Variants in NRP1 observed in about 807,000 individuals in gnomAD.
The protein encoded by NRP1 is neuropilin-1.
Under a neutral mutation model 106.7 loss-of-function variants are expected in NRP1, and 35 were observed. The ratio of observed to expected loss-of-function variants is 0.33; its 90% CI spans 0.25 to 0.43. The LOEUF is 0.43. NRP1 is among the 20% of genes least tolerant of loss of function. NRP1 has a pLI of 1.00. For missense variants in NRP1, 1,024 were observed against 1,170.4 expected (o/e 0.87, Z 1.83); for synonymous variants, 437 against 417.9 (o/e 1.05, Z -0.56).
chr10:33,223,956 T>C (rs941269929), intron 7 of NRP1, among the ~76,000 whole-genome samples: 3 of 152,130 alleles, frequency 2.0e-5, no homozygotes, highest in African/African-American at 7.2e-5. Context: ...TTCTGTTTGC[T>C]GAAAATCATG....
rs116201972 is a variant in NRP1, at chr10:33,273,319, G to A, written c.249-2463C>T. 5.1e-3 allele frequency among the ~76,000 whole-genome samples: 769 copies of A among 152,270 alleles called. 5 individuals carry two copies. The highest frequency in any genetic ancestry group is 0.017 in the African/African-American group (693 of 41,550). ...GTAAATATTCAGGAGGGTGTACTGC[G>A]CACAAGTTGCAGAGGGGAGTATTGC... On this transcript the variant is annotated intron_variant, in intron 2 of 16. Transcript: ENST00000374867.
At chr10:33,329,259 A>C (rs1564494917) in intron 2 of NRP1, among the ~76,000 whole-genome samples, 1 of 152,226 alleles carries the variant, frequency 6.6e-6, no homozygotes, top group Non-Finnish European at 1.5e-5. Flanking sequence ...TCTGAATCAC[A>C]AAGCAAAGAT....
At chr10:33,285,263 C>T (rs963142561) in intron 2 of NRP1, among the ~76,000 whole-genome samples, 12 of 152,016 alleles carry the variant, frequency 7.9e-5, no homozygotes, top group Non-Finnish European at 2.9e-5. Context: ...TTAAGGTGAC[C>T]GCCATGAATA....
intron 6 of NRP1, among the ~76,000 whole-genome samples, chr10:33,246,445 T>C (rs576416086): frequency 3.3e-5 from 5 of 152,286 alleles, no homozygotes; most frequent in Admixed American, 3.3e-4. Context: ...AAGCATTTAT[T>C]TTATGGAGGA....
intron 2 of NRP1, among the ~76,000 whole-genome samples, chr10:33,274,023 T>A (rs1165686890): frequency 6.6e-6 from 1 of 152,126 alleles, no homozygotes; most frequent in Non-Finnish European, 1.5e-5. Flanking sequence ...CCCTCCTCAT[T>A]TAGGCATCTT....
chr10:33,319,685 C>T (rs1847333175), intron 2 of NRP1, among the ~76,000 whole-genome samples: 1 of 149,096 alleles, frequency 6.7e-6, no homozygotes, highest in Non-Finnish European at 1.5e-5. Context: ...CTCGCGGGTT[C>T]ATGCCACTTT....
rs201871672 is a variant in NRP1, at chr10:33,180,043, G to A, written c.*33C>T. The A allele has an allele frequency of 4.8e-5, 77 of 1,602,654 alleles. No homozygotes were observed. The highest frequency in any genetic ancestry group is 3.4e-5 in the South Asian group (3 of 88,602). Reference sequence around the variant, plus strand: ...AGCTCACTCCCGTCCTTCCACTTCCGTCCTTTGACTGTCTTTTCATCTCTG... The same window carrying A: ...AGCTCACTCCCGTCCTTCCACTTCCATCCTTTGACTGTCTTTTCATCTCTG... On this transcript the variant is annotated 3_prime_UTR_variant, in exon 17 of 17. Transcript: ENST00000374867.
chr10:33,250,968 G>A (rs1841811460), intron 6 of NRP1, among the ~76,000 whole-genome samples: 1 of 152,138 alleles, frequency 6.6e-6, no homozygotes, highest in Non-Finnish European at 1.5e-5. Flanking sequence ...AAGTTATCCA[G>A]CAGGGAGACC....
chr10:33,270,670 C>T lies in NRP1; in HGVS notation c.430+5G>A. On this transcript the variant is annotated splice_donor_5th_base_variant and intron_variant, in intron 3 of 16. Transcript: ENST00000374867. The stretch of plus-strand genomic sequence containing the variant: ...TTCTTGTTCTACCGTAAGCTGTTCA[C>T]TCACCTCTCTTGAAAATTTCATAAC... 6.2e-7 allele frequency: 1 copy of T among 1,606,980 alleles called. No individual in the cohort carries two copies. Among genetic ancestry groups the T allele is most frequent in the Non-Finnish European group, 8.5e-7 (1 of 1,176,586 alleles).
chr10:33,177,997 T>G lies in NRP1; in HGVS notation c.*2079A>C, dbSNP rs1835472350. 1 of 152,654 alleles carries G rather than the reference T, an allele frequency of 6.6e-6. No individual in the cohort carries two copies. The allele number at this position is 152,654 out of a possible 1,614,324, so 9.5% of individuals were successfully genotyped here. ...ATTTTTCCTTGGCTGAGGACAACTT[T>G]AAGTCTGTTGCCTTTAAAAACAACA... On this transcript the variant is annotated 3_prime_UTR_variant, in exon 17 of 17. Coordinates refer to ENST00000374867, the MANE Select transcript of NRP1 (RefSeq NM_003873.7).
chr10:33,300,267 A>C (rs185048909), intron 2 of NRP1, among the ~76,000 whole-genome samples: 12 of 152,316 alleles, frequency 7.9e-5, no homozygotes, highest in Admixed American at 2.6e-4. Flanking sequence ...AACAGCAATA[A>C]AATTTCTACA....
chr10:33,198,144 AT>A (rs71521487), intron 11 of NRP1, among the ~76,000 whole-genome samples: 96 of 94,060 alleles, frequency 1.0e-3, no homozygotes, highest in East Asian at 1.3e-3. Flanking sequence ...AAATTTTTAA[AT>A]TTTTTTTTTT....
chr10:33,221,673 C>A, intron 8 of NRP1, 46 bp downstream of exon 8: 4 of 1,579,534 alleles, frequency 2.5e-6, no homozygotes, highest in Non-Finnish European at 3.5e-6. Context: ...CAAAACAAGA[C>A]AATCTTCGAC....
At chr10:33,233,676 C>T (rs1029681393) in intron 6 of NRP1, among the ~76,000 whole-genome samples, 1 of 152,160 alleles carries the variant, frequency 6.6e-6, no homozygotes, top group Non-Finnish European at 1.5e-5. Context: ...CAGCTTTTAA[C>T]ACTCCCAAGG....
rs2133340106 is a variant in NRP1, at chr10:33,276,361, T to C, written c.249-5505A>G. Among the ~76,000 whole-genome samples, 2 of 152,276 alleles carry C rather than the reference T, an allele frequency of 1.3e-5. 1 individual carries two copies. The highest frequency in any genetic ancestry group is 4.1e-4 in the South Asian group (2 of 4,820). On this transcript the variant is annotated intron_variant, in intron 2 of 16. Transcript: ENST00000374867. ...CCCACTGGATCAATGAGATGCTCTG[T>C]GTGATATTTATTTTTAGGACCAGAA...
chr10:33,298,212 C>T (rs1187996533), intron 2 of NRP1, among the ~76,000 whole-genome samples: 1 of 152,184 alleles, frequency 6.6e-6, no homozygotes, highest in Non-Finnish European at 1.5e-5. Context: ...CTTATTTCTA[C>T]ACTGGGTGAC....
At chr10:33,268,342 A>G (rs932175029) in intron 3 of NRP1, among the ~76,000 whole-genome samples, 3 of 152,192 alleles carry the variant, frequency 2.0e-5, no homozygotes, top group African/African-American at 4.8e-5. Context: ...GAGGGCCACA[A>G]CTGGGCCTAT....
chr10:33,183,723 G>A (rs1443244257), intron 15 of NRP1, among the ~76,000 whole-genome samples: 1 of 152,200 alleles, frequency 6.6e-6, no homozygotes, highest in Non-Finnish European at 1.5e-5. Flanking sequence ...TTTGTTCTAT[G>A]TATGAATGAA....
At chr10:33,251,583 T>C (rs909792265) in intron 6 of NRP1, among the ~76,000 whole-genome samples, 1 of 152,268 alleles carries the variant, frequency 6.6e-6, no homozygotes, top group Non-Finnish European at 1.5e-5. Context: ...TGTTTTCTCA[T>C]TGGCAAAAAG....
Sources: gnomAD v4.1 joint callset for allele counts (sites outside exome capture counted in the v4.1 genomes callset) on GRCh38, gnomAD v4.1.1 for gene constraint, MANE v1.5 for transcripts, NCBI Gene and HGNC (gene_info 2026-07-23, HGNC 2026-07-21) for gene names.